Variants in TMEFF2 observed in about 807,000 individuals in gnomAD.
TMEFF2 encodes tomoregulin-2.
In TMEFF2, 28 loss-of-function variants were observed where a neutral mutation model predicts 53.8. The ratio of observed to expected loss-of-function variants is 0.52; its 90% CI spans 0.39 to 0.71. The LOEUF is 0.71. Ranked by LOEUF, TMEFF2 falls within the 30% of genes least tolerant of loss-of-function variation. The pLI is 0.00. For synonymous variants in TMEFF2, 162 were observed against 166.3 expected (o/e 0.97, Z 0.20); for missense variants, 353 against 455.2 (o/e 0.78, Z 2.04).
chr2:192,064,573 TG>T (rs899004488), intron 4 of TMEFF2, among the ~76,000 whole-genome samples: 1 of 152,024 alleles, frequency 6.6e-6, no homozygotes, highest in Non-Finnish European at 1.5e-5. Context: ...TGGCATATGA[TG>T]CACAGTAGAT....
rs200853074 is a variant in TMEFF2 at position 191,954,089 on chromosome 2, C to G, written c.870-252G>C. On this transcript the variant is annotated intron_variant, in intron 8 of 9. Transcript: ENST00000272771. ...TTTTTAGTAGAGACCGGGTTTCACC[C>G]TGTTAGCCAGGATGGTCTCGATTTC... Among the ~76,000 whole-genome samples, 969 of 151,930 alleles carry G rather than the reference C, an allele frequency of 6.4e-3. 9 individuals carry two copies. Among genetic ancestry groups the G allele is most frequent in the Admixed American group, 0.015 (232 of 15,270 alleles).
chr2:191,985,206 A>C (rs1215471559), intron 7 of TMEFF2, among the ~76,000 whole-genome samples: 3 of 152,132 alleles, frequency 2.0e-5, no homozygotes, highest in African/African-American at 7.2e-5. Flanking sequence ...AAAAAGGAAA[A>C]AAAAGAGATG....
intron 4 of TMEFF2, among the ~76,000 whole-genome samples, chr2:192,165,525 C>G (rs1462058145): frequency 6.6e-6 from 1 of 152,014 alleles, no homozygotes. Flanking sequence ...GCTGTATGAA[C>G]TTTTGTGAGT....
At chr2:192,023,392 C>T (rs1686900042) in intron 5 of TMEFF2, among the ~76,000 whole-genome samples, 1 of 152,152 alleles carries the variant, frequency 6.6e-6, no homozygotes, top group Admixed American at 6.5e-5. Flanking sequence ...TAATTATACG[C>T]TAGGAACTGT....
intron 7 of TMEFF2, among the ~76,000 whole-genome samples, chr2:191,994,865 A>G (rs145882403): frequency 5.2e-4 from 79 of 152,098 alleles, no homozygotes; most frequent in East Asian, 1.9e-3. Context: ...GGGCTTTGAA[A>G]TGAAGAGATC....
intron 4 of TMEFF2, among the ~76,000 whole-genome samples, chr2:192,137,503 C>G (rs1000631319): frequency 3.9e-5 from 6 of 152,020 alleles, no homozygotes; most frequent in Non-Finnish European, 2.9e-5. Flanking sequence ...GAGTTTCCAG[C>G]AAGGAAATGC....
intron 4 of TMEFF2, among the ~76,000 whole-genome samples, chr2:192,168,578 G>T (rs1200815390): frequency 1.3e-5 from 2 of 151,996 alleles, no homozygotes; most frequent in African/African-American, 4.8e-5. Flanking sequence ...TTCATATACT[G>T]GTATTAGATG....
chr2:192,057,767 C>T lies in TMEFF2; in HGVS notation c.448G>A (p.Gly150Ser), dbSNP rs778479824. The T allele has an allele frequency of 1.2e-6, 2 of 1,613,560 alleles. No individual in the cohort carries two copies. The highest frequency in any genetic ancestry group is 1.7e-6 in the Non-Finnish European group (2 of 1,179,554). The change falls in exon 5 of 10, where the codon GGC (glycine) becomes AGC (serine). Residue 150 changes from glycine to serine, a missense_variant. Gly to Ser is a moderately conservative substitution (Grantham distance 56). Coordinates refer to ENST00000272771, the MANE Select transcript of TMEFF2 (RefSeq NM_016192.4). ...GSGSGDGVHEGSGETSQKETS... is the reference protein window; with the variant it reads ...GSGSGDGVHESSGETSQKETS... ...TCCTTTTGACTAGTTTCTCCAGAGC[C>T]TTCATGGACTGTAGGACAGAAAAAC...
At chr2:192,010,885 G>A (rs1373588881) in intron 5 of TMEFF2, among the ~76,000 whole-genome samples, 1 of 152,192 alleles carries the variant, frequency 6.6e-6, no homozygotes, top group East Asian at 1.9e-4. Flanking sequence ...TCTCCCTGGT[G>A]CCTTCTAACA....
chr2:192,091,941 T>C (rs1462519612), intron 4 of TMEFF2, among the ~76,000 whole-genome samples: 1 of 152,138 alleles, frequency 6.6e-6, no homozygotes, highest in East Asian at 1.9e-4. Context: ...GATTTTTCTT[T>C]TATGTTAGTG....
chr2:191,969,561 C>G (rs546274939), intron 7 of TMEFF2, among the ~76,000 whole-genome samples: 96 of 152,250 alleles, frequency 6.3e-4, no homozygotes, highest in African/African-American at 2.2e-3. Context: ...TCATGAAAGA[C>G]AAGAAGGATA....
chr2:191,976,411 A>C (rs1685728994), intron 7 of TMEFF2, among the ~76,000 whole-genome samples: 1 of 152,236 alleles, frequency 6.6e-6, no homozygotes, highest in Non-Finnish European at 1.5e-5. Flanking sequence ...CAAACGAATA[A>C]AAAGGAACCA....
rs113272839 is a variant in TMEFF2 at position 191,972,134 on chromosome 2, G to A, written c.746-15756C>T. Among the ~76,000 whole-genome samples the A allele has an allele frequency of 7.8e-3, 992 of 126,932 alleles. 3 individuals carry two copies. Among genetic ancestry groups the A allele is most frequent in the Middle Eastern group, 0.011 (3 of 262 alleles). The allele number at this position is 126,932 out of a possible 152,430, so 83.3% of individuals were successfully genotyped here. A position where few individuals can be genotyped will look rare whatever the true frequency, so the allele number is the denominator to read the frequency against. On this transcript the variant is annotated intron_variant, in intron 7 of 9. Transcript: ENST00000272771. ...TATACACCAAGCTAAGAAGTATTGC[G>A]TTAGTGTTTTTTTGTTTTTTTTTTT...
At chr2:192,092,367 G>T (rs2105935689) in intron 4 of TMEFF2, among the ~76,000 whole-genome samples, 1 of 152,126 alleles carries the variant, frequency 6.6e-6, no homozygotes, top group African/African-American at 2.4e-5. Context: ...TAACAAGTAT[G>T]TGGTACACAA....
chr2:192,011,808 C>T (rs1016823524), intron 5 of TMEFF2, among the ~76,000 whole-genome samples: 19 of 152,234 alleles, frequency 1.2e-4, no homozygotes, highest in Admixed American at 3.3e-4. Flanking sequence ...GTCTAGTCAT[C>T]CATTTTATAC....
chr2:192,014,019 C>T (rs1686692796), intron 5 of TMEFF2, among the ~76,000 whole-genome samples: 1 of 152,076 alleles, frequency 6.6e-6, no homozygotes, highest in Admixed American at 6.5e-5. Flanking sequence ...TGTTTTGCTC[C>T]AATTATCAAA....
At chr2:192,180,881 A>C (rs1281474279) in intron 3 of TMEFF2, among the ~76,000 whole-genome samples, 2 of 151,718 alleles carry the variant, frequency 1.3e-5, no homozygotes, top group Non-Finnish European at 3.0e-5. Flanking sequence ...GTCTTGTTGG[A>C]GGCCCACATT....
chr2:192,075,323 A>ATATATATATG (rs1559115248), intron 4 of TMEFF2, among the ~76,000 whole-genome samples: 2 of 93,652 alleles, frequency 2.1e-5, no homozygotes, highest in African/African-American at 7.6e-5. Flanking sequence ...ATATATATAT[A>ATATATATATG]TATATATATA....
chr2:192,125,135 T>G (rs1051815807), intron 4 of TMEFF2, among the ~76,000 whole-genome samples: 2 of 152,190 alleles, frequency 1.3e-5, no homozygotes, highest in African/African-American at 4.8e-5. Flanking sequence ...AGAATTATAT[T>G]TTTAAAAGTT....
Sources: gnomAD v4.1 joint callset for allele counts (sites outside exome capture counted in the v4.1 genomes callset) on GRCh38, gnomAD v4.1.1 for gene constraint, MANE v1.5 for transcripts, NCBI Gene and HGNC (gene_info 2026-07-23, HGNC 2026-07-21) for gene names.